Variants in TBC1D15 observed in about 807,000 individuals in gnomAD.
TBC1D15 encodes TBC1 domain family member 15, also known as GAP for RAB7.
In TBC1D15, 39 loss-of-function variants were observed where a neutral mutation model predicts 95.4. The observed-to-expected ratio is 0.41, with a 90% CI of 0.32 to 0.53. The LOEUF is 0.53. Ranked by LOEUF, TBC1D15 falls within the 20% of genes least tolerant of loss-of-function variation. The pLI is 0.29. For synonymous variants in TBC1D15, 258 were observed against 261.3 expected (o/e 0.99, Z 0.12); for missense variants, 733 against 794.3 (o/e 0.92, Z 0.93).
chr12:71,883,496 G>A (rs1001037733), intron 4 of TBC1D15, among the ~76,000 whole-genome samples: 24 of 152,088 alleles, frequency 1.6e-4, no homozygotes, highest in African/African-American at 5.6e-4. Flanking sequence ...TAATGATGGC[G>A]CATGGTTTCC....
At chr12:71,901,799 A>C (rs1899451334) in intron 10 of TBC1D15, among the ~76,000 whole-genome samples, 1 of 152,072 alleles carries the variant, frequency 6.6e-6, no homozygotes, top group Non-Finnish European at 1.5e-5. Flanking sequence ...AGAGGAAGTC[A>C]CCCTCTCTTC....
intron 1 of TBC1D15, among the ~76,000 whole-genome samples, chr12:71,868,119 A>C (rs991896638): frequency 2.0e-5 from 3 of 152,052 alleles, no homozygotes; most frequent in Non-Finnish European, 4.4e-5. Context: ...GCTAAACATG[A>C]CTTCTTTCTG....
At chr12:71,898,781 A>T (rs1898727790) in intron 10 of TBC1D15, among the ~76,000 whole-genome samples, 1 of 152,152 alleles carries the variant, frequency 6.6e-6, no homozygotes, top group South Asian at 2.1e-4. Context: ...CCATGAAAGA[A>T]ATAATTTTTT....
intron 10 of TBC1D15, among the ~76,000 whole-genome samples, chr12:71,903,084 G>T (rs1429135328): frequency 6.6e-6 from 1 of 152,014 alleles, no homozygotes; most frequent in African/African-American, 2.4e-5. Context: ...GCTAATTTTA[G>T]AATTTTTTTT....
intron 4 of TBC1D15, among the ~76,000 whole-genome samples, chr12:71,883,124 CT>C (rs1234857334): frequency 6.8e-6 from 1 of 147,756 alleles, no homozygotes; most frequent in Non-Finnish European, 1.5e-5. Flanking sequence ...GGGTTTCTTT[CT>C]TTTTTTCTTT....
chr12:71,887,276 A>ATCAACTATCAACTATTTTTACTTGAT (rs1555201167), intron 5 of TBC1D15, among the ~76,000 whole-genome samples: 20 of 127,962 alleles, frequency 1.6e-4, no homozygotes, highest in African/African-American at 6.4e-4. Flanking sequence ...TTTTTACTTG[A>ATCAACTATCAACTATTTTTACTTGAT]TTACAGAATA....
At chr12:71,901,285 G>A (rs1899333850) in intron 10 of TBC1D15, among the ~76,000 whole-genome samples, 1 of 152,072 alleles carries the variant, frequency 6.6e-6, no homozygotes, top group Non-Finnish European at 1.5e-5. Flanking sequence ...GTGTTGCAAA[G>A]CATTGGGATT....
Position 71,923,034 on chromosome 12 carries a change from A to G in TBC1D15, c.1855A>G (p.Thr619Ala). 6.2e-7 allele frequency: 1 copy of G among 1,614,238 alleles called. No homozygotes were observed. Among genetic ancestry groups the G allele is most frequent in the Non-Finnish European group, 8.5e-7 (1 of 1,180,046 alleles). Residue 619 changes from threonine to alanine, a missense_variant, in exon 17 of 17, where the codon ACA (threonine) becomes GCA (alanine). Physicochemically the swap from Thr to Ala is moderately conservative, Grantham distance 58 (BLOSUM62 0). Transcript: ENST00000485960. ...CCTTGGGCTTCAAGGCAGTGAAGTT[A>G]CAACACCAGATTCAGACGTTGGTGA... ...EILGLQGSEV[T>A]TPDSDVGEDE...
rs1895336703 is a variant in TBC1D15, at chr12:71,882,211, T to TTA, written c.343+1608_343+1609dup. Among the ~76,000 whole-genome samples, 3 of 152,292 alleles carry TTA rather than the reference T, an allele frequency of 2.0e-5. No individual in the cohort carries two copies. In the South Asian group the frequency reaches 6.2e-4, roughly 32 times the overall value. ...AAAATTGACTATCAGACTTATTTAA[T>TTA]TATATTTCTTAAGAGCATTTTGCTT... On this transcript the variant is annotated intron_variant, in intron 4 of 16. Transcript: ENST00000485960.
chr12:71,896,294 G>A (rs1898160758), intron 8 of TBC1D15: 1 of 446,720 alleles, frequency 2.2e-6, no homozygotes, highest in African/African-American at 2.0e-5. Context: ...GATGTTCCTG[G>A]GGGTTGGGTA....
At chr12:71,918,071 C>T (rs1450210926) in intron 13 of TBC1D15, among the ~76,000 whole-genome samples, 1 of 152,154 alleles carries the variant, frequency 6.6e-6, no homozygotes, top group African/African-American at 2.4e-5. Context: ...GGGAGGATTA[C>T]TTGAGCCGAG....
At chr12:71,846,284 T>C (rs1886242722) in intron 1 of TBC1D15, among the ~76,000 whole-genome samples, 1 of 152,148 alleles carries the variant, frequency 6.6e-6, no homozygotes, top group African/African-American at 2.4e-5. Flanking sequence ...TTGGGCATCT[T>C]AGCAAATATT....
chr12:71,869,174 C>T (rs942549531), intron 1 of TBC1D15, among the ~76,000 whole-genome samples: 3 of 151,824 alleles, frequency 2.0e-5, no homozygotes, highest in East Asian at 1.9e-4. Flanking sequence ...TAAGCAGATA[C>T]GGAAGGAAAA....
chr12:71,877,210 G>GT (rs370164812), intron 3 of TBC1D15, among the ~76,000 whole-genome samples: 4,901 of 133,836 alleles, frequency 0.037, 242 homozygotes, highest in African/African-American at 0.11. Context: ...GTGTGTGTGT[G>GT]TTTTTTTTTT....
intron 11 of TBC1D15, among the ~76,000 whole-genome samples, chr12:71,913,032 A>G (rs1446443826): frequency 1.3e-5 from 2 of 152,078 alleles, no homozygotes; most frequent in African/African-American, 4.8e-5. Context: ...TCTTATTTTT[A>G]AGTGAGGGAT....
chr12:71,893,143 A>C, intron 5 of TBC1D15, 79 bp from the exon 6 acceptor site: 1 of 696,090 alleles, frequency 1.4e-6, no homozygotes. Flanking sequence ...TTGGTAAGGA[A>C]CATTTGTGTT....
At chr12:71,852,332 G>A (rs1888030121) in intron 1 of TBC1D15, among the ~76,000 whole-genome samples, 1 of 152,162 alleles carries the variant, frequency 6.6e-6, no homozygotes, top group East Asian at 1.9e-4. Flanking sequence ...CCTATGCGTT[G>A]GTCCTGTGAT....
chr12:71,846,587 A>G (rs1026044505), intron 1 of TBC1D15, among the ~76,000 whole-genome samples: 1 of 152,102 alleles, frequency 6.6e-6, no homozygotes, highest in Non-Finnish European at 1.5e-5. Context: ...CTTCCTATGA[A>G]CACCTGATTC....
intron 1 of TBC1D15, among the ~76,000 whole-genome samples, chr12:71,843,289 T>C (rs1245088532): frequency 6.6e-6 from 1 of 152,096 alleles, no homozygotes; most frequent in Non-Finnish European, 1.5e-5. Context: ...GAAAATTACT[T>C]GAAACAATAG....
Sources: allele counts gnomAD v4.1 joint callset (sites outside exome capture counted in the v4.1 genomes callset), GRCh38; gene constraint gnomAD v4.1.1; transcripts MANE v1.5; gene names NCBI Gene and HGNC (gene_info 2026-07-23, HGNC 2026-07-21).